ADAMTSL1: variants seen among roughly 807,000 people sequenced by gnomAD.
ADAMTSL1 encodes the protein ADAMTS like 1.
In ADAMTSL1, 126 loss-of-function variants were observed where a neutral mutation model predicts 201.8. The ratio of observed to expected loss-of-function variants is 0.62; its 90% CI spans 0.54 to 0.72. The LOEUF (loss-of-function observed/expected upper bound fraction) is 0.72, where lower values mean the gene tolerates loss of function less well. ADAMTSL1 is among the 30% of genes least tolerant of loss of function. The pLI is 0.00. For missense variants in ADAMTSL1, 2,679 were observed against 2,277.8 expected, an observed-to-expected ratio of 1.18 and a Z score of -3.59; for synonymous variants, 1,121 against 903.4, an observed-to-expected ratio of 1.24 and a Z score of -4.32.
intron 22 of ADAMTSL1, among the ~76,000 whole-genome samples, chr9:18,828,561 T>A (rs1228772382): frequency 6.7e-6 from 1 of 150,078 alleles, no homozygotes; most frequent in African/African-American, 2.5e-5. Context: ...AATGACCTAA[T>A]TAGTGAATGA....
chr9:17,936,976 C>T (rs151110679), intron 1 of ADAMTSL1, among the ~76,000 whole-genome samples: 1 of 152,166 alleles, frequency 6.6e-6, no homozygotes, highest in Non-Finnish European at 1.5e-5. Flanking sequence ...TACCTGCCAG[C>T]CATGCAGGAT....
At chr9:18,570,177 C>A (rs1054622926) in intron 3 of ADAMTSL1, among the ~76,000 whole-genome samples, 1 of 149,490 alleles carries the variant, frequency 6.7e-6, no homozygotes, top group Non-Finnish European at 1.5e-5. Flanking sequence ...TGAGCAACTT[C>A]GAGACTTGCC....
intron 1 of ADAMTSL1, among the ~76,000 whole-genome samples, chr9:18,025,634 A>G (rs568583737): frequency 1.3e-5 from 2 of 152,190 alleles, no homozygotes; most frequent in East Asian, 3.9e-4. Context: ...GACCAGTACC[A>G]TGCTGTTTTG....
At chr9:18,177,222 A>G (rs1251564069) in intron 2 of ADAMTSL1, among the ~76,000 whole-genome samples, 6 of 152,292 alleles carry the variant, frequency 3.9e-5, no homozygotes, top group African/African-American at 1.2e-4. Context: ...CAAAGAATGA[A>G]TGAATGCATG....
At chr9:18,314,269 C>T (rs1243462649) in intron 2 of ADAMTSL1, among the ~76,000 whole-genome samples, 1 of 152,132 alleles carries the variant, frequency 6.6e-6, no homozygotes, top group Non-Finnish European at 1.5e-5. Flanking sequence ...ATATGGAAAA[C>T]AGTATGAAGA....
chr9:18,847,923 T>C (rs1826235855), intron 23 of ADAMTSL1, among the ~76,000 whole-genome samples: 1 of 152,232 alleles, frequency 6.6e-6, no homozygotes, highest in South Asian at 2.1e-4. Context: ...AGATGCAATA[T>C]TGCATTGAGC....
intron 2 of ADAMTSL1, among the ~76,000 whole-genome samples, chr9:18,349,151 A>C (rs535236399): frequency 6.6e-6 from 1 of 152,340 alleles, no homozygotes; most frequent in Admixed American, 6.5e-5. Flanking sequence ...CTGCATTTGA[A>C]TATTTGAAAA....
chr9:17,945,482 T>C (rs9406739), intron 1 of ADAMTSL1, among the ~76,000 whole-genome samples: 145,898 of 150,932 alleles, frequency 0.97, 70,572 homozygotes, highest in East Asian at 1. Context: ...ACCCAAAGGA[T>C]TATAAATCAT....
intron 16 of ADAMTSL1, 107 bp from the exon 17 acceptor site, chr9:18,770,495 G>T: frequency 2.6e-6 from 3 of 1,171,694 alleles, no homozygotes; most frequent in Non-Finnish European, 2.3e-6. Flanking sequence ...TCTTCTTCTG[G>T]ATTTTTTTTT....
chr9:18,379,258 C>G (rs1322809994), intron 2 of ADAMTSL1, among the ~76,000 whole-genome samples: 1 of 152,208 alleles, frequency 6.6e-6, no homozygotes, highest in Non-Finnish European at 1.5e-5. Flanking sequence ...TCTAAGGAAA[C>G]AGATGGATTT....
At chr9:18,720,907 T>G (rs558110176) in intron 14 of ADAMTSL1, among the ~76,000 whole-genome samples, 1 of 152,330 alleles carries the variant, frequency 6.6e-6, no homozygotes, top group East Asian at 1.9e-4. Context: ...AGTCAGGGCC[T>G]GCGGGTGTCA....
intron 2 of ADAMTSL1, among the ~76,000 whole-genome samples, chr9:18,362,793 A>T (rs1242043821): frequency 6.6e-6 from 1 of 152,182 alleles, no homozygotes; most frequent in South Asian, 2.1e-4. Flanking sequence ...CTGAGACTAG[A>T]GTTTGCTGTT....
rs114973766 is a variant in ADAMTSL1 at position 18,722,855 on chromosome 9, T to C, written c.2006+1190T>C. ...AGCAGTCAACAAGATAGAGTCAAAG[T>C]CAGGTCCTGTACATGAAATCCTGAG... On this transcript the variant is annotated intron_variant, in intron 15 of 28. Transcript: ENST00000380548. 5.4e-3 allele frequency among the ~76,000 whole-genome samples: 820 copies of C among 152,302 alleles called. 6 individuals carry two copies. The highest frequency in any genetic ancestry group is 0.019 in the African/African-American group (777 of 41,570).
intron 2 of ADAMTSL1, among the ~76,000 whole-genome samples, chr9:18,212,036 G>A (rs1011249171): frequency 1.3e-5 from 2 of 152,296 alleles, no homozygotes; most frequent in Non-Finnish European, 2.9e-5. Flanking sequence ...TCCTAGGGTT[G>A]TATGAAAAGC....
chr9:18,325,946 G>A (rs1447115933), intron 2 of ADAMTSL1, among the ~76,000 whole-genome samples: 1 of 152,130 alleles, frequency 6.6e-6, no homozygotes, highest in Non-Finnish European at 1.5e-5. Flanking sequence ...TCACCATGTT[G>A]GCCAGGCTAG....
At chr9:18,588,083 C>G (rs1443185124) in intron 4 of ADAMTSL1, among the ~76,000 whole-genome samples, 2 of 152,130 alleles carry the variant, frequency 1.3e-5, no homozygotes, top group African/African-American at 4.8e-5. Context: ...ACTTCACATT[C>G]CCACCAACAG....
chr9:17,980,750 A>G (rs575922324), intron 1 of ADAMTSL1, among the ~76,000 whole-genome samples: 5 of 152,188 alleles, frequency 3.3e-5, no homozygotes, highest in Non-Finnish European at 7.3e-5. Flanking sequence ...ATTTGTTGCT[A>G]TGGAGGAATA....
intron 19 of ADAMTSL1, among the ~76,000 whole-genome samples, chr9:18,779,466 G>A (rs1821256254): frequency 6.6e-6 from 1 of 152,140 alleles, no homozygotes; most frequent in South Asian, 2.1e-4. Flanking sequence ...AAGATCGTAG[G>A]AACTAGTAGG....
At chr9:18,761,706 A>T (rs1820081048) in intron 16 of ADAMTSL1, among the ~76,000 whole-genome samples, 1 of 152,116 alleles carries the variant, frequency 6.6e-6, no homozygotes, top group South Asian at 2.1e-4. Context: ...TAGCACATTC[A>T]CAAAGTCATC....
Sources: gnomAD v4.1 joint callset for allele counts (sites outside exome capture counted in the v4.1 genomes callset) on GRCh38, gnomAD v4.1.1 for gene constraint, MANE v1.5 for transcripts, NCBI Gene and HGNC (gene_info 2026-07-23, HGNC 2026-07-21) for gene names.